The following PACS1 variants were observed in gnomAD, a reference collection of about 807,000 sequenced individuals.
The protein encoded by PACS1 is PACS-1.
In PACS1, 24 loss-of-function variants were observed where a neutral mutation model predicts 115.0. The observed-to-expected ratio is 0.21, with a 90% confidence interval of 0.15 to 0.29. The LOEUF is 0.29. PACS1 is among the 10% of genes least tolerant of loss of function. The pLI, the probability that PACS1 is intolerant of heterozygous loss-of-function variation, is 1.00. For synonymous variants in PACS1, 453 were observed against 504.5 expected, an observed-to-expected ratio of 0.90 and a Z score of 1.37; for missense variants, 838 against 1,251.2, an observed-to-expected ratio of 0.67 and a Z score of 4.98.
chr11:66,235,412 G>A lies in PACS1; in HGVS notation c.2207+9G>A. On this transcript the variant is annotated intron_variant, in intron 18 of 23. Transcript: ENST00000320580. This position sits in a 1 kb window ranked among gnomAD's most constrained non-coding sequence, Gnocchi z 5.6. Reference sequence around the variant, plus strand: ...ACTTGCCGGCATAAGTTGTAAGTTTGACTTTGAGGGGTTTCTTAAAAATAG... The same window carrying A: ...ACTTGCCGGCATAAGTTGTAAGTTTAACTTTGAGGGGTTTCTTAAAAATAG... The A allele has an allele frequency of 1.3e-6, 2 of 1,596,224 alleles. No homozygotes were observed. Among genetic ancestry groups the A allele is most frequent in the Admixed American group, 3.3e-5 (2 of 59,884 alleles).
At chr11:66,227,635 CT>C in intron 11 of PACS1, 51 bp downstream of exon 11, 1 of 1,228,156 alleles carries the variant, frequency 8.1e-7, no homozygotes, top group Non-Finnish European at 1.2e-6. Context: ...GTGTTTGTCC[CT>C]TTAGAAATAA....
At chr11:66,185,486 G>A (rs1453959661) in intron 1 of PACS1, among the ~76,000 whole-genome samples, 2 of 152,146 alleles carry the variant, frequency 1.3e-5, no homozygotes, top group African/African-American at 4.8e-5. Flanking sequence ...AACCCCAGCT[G>A]TCCATTGTGT....
intron 1 of PACS1, among the ~76,000 whole-genome samples, chr11:66,140,536 A>G (rs1374166496): frequency 2.6e-5 from 4 of 152,148 alleles, no homozygotes; most frequent in East Asian, 1.9e-4. Flanking sequence ...TGGGTAGAAC[A>G]CTTTGTTTCG....
intron 1 of PACS1, among the ~76,000 whole-genome samples, chr11:66,090,029 A>T (rs1857632790): frequency 6.9e-6 from 1 of 144,244 alleles, no homozygotes; most frequent in Non-Finnish European, 1.5e-5. Flanking sequence ...AAAAAAAGAA[A>T]TGCCATTGGT....
rs577331879 is a variant in PACS1 at position 66,243,563 on chromosome 11, G to A, written c.*283G>A. The A allele has an allele frequency of 9.6e-6, 4 of 417,952 alleles. No homozygotes were observed. The East Asian group carries it at 1.6e-4, about 17-fold the overall frequency. The allele number at this position is 417,952 out of a possible 1,614,324, so 25.9% of individuals were successfully genotyped here. A position where few individuals can be genotyped will look rare whatever the true frequency, so the allele number is the denominator to read the frequency against. On this transcript the variant is annotated 3_prime_UTR_variant, in exon 24 of 24. Transcript: ENST00000320580. ...GCCTTCTGGTGCCCATAGTCCCCTG[G>A]ACTGAGTCCCCCAGGCCTTCCTTCA...
chr11:66,190,035 A>G (rs1011490861), intron 1 of PACS1, among the ~76,000 whole-genome samples: 1 of 151,974 alleles, frequency 6.6e-6, no homozygotes, highest in Non-Finnish European at 1.5e-5. Context: ...CACCACTCTC[A>G]CTCACCTATC....
At chr11:66,234,070 A>T in intron 16 of PACS1, 62 bp from the exon 17 acceptor site, 1 of 1,522,196 alleles carries the variant, frequency 6.6e-7, no homozygotes, top group Non-Finnish European at 9.1e-7. Flanking sequence ...GGCCAGGGAC[A>T]GCTGCTCCCA....
At chr11:66,216,059 G>T (rs896127325) in intron 4 of PACS1, 60 bp from the exon 5 acceptor site, 3 of 1,574,124 alleles carry the variant, frequency 1.9e-6, no homozygotes, top group Non-Finnish European at 1.7e-6. Flanking sequence ...GCATTCCTTG[G>T]CTGTGTTTCT....
At chr11:66,138,928 G>A (rs186394471) in intron 1 of PACS1, among the ~76,000 whole-genome samples, 5 of 149,254 alleles carry the variant, frequency 3.3e-5, no homozygotes, top group East Asian at 3.9e-4. Flanking sequence ...TGATCCGCCC[G>A]CCTCAGCCTC....
At chr11:66,168,787 T>C (rs1423388355) in intron 1 of PACS1, among the ~76,000 whole-genome samples, 2 of 149,762 alleles carry the variant, frequency 1.3e-5, no homozygotes, top group Non-Finnish European at 2.9e-5. Context: ...TGTATACATT[T>C]ACACACATTT....
intron 1 of PACS1, among the ~76,000 whole-genome samples, chr11:66,166,653 C>CTTA (rs1859610620): frequency 1.3e-5 from 2 of 150,654 alleles, no homozygotes; most frequent in South Asian, 4.1e-4. Flanking sequence ...TCTTCTGCAG[C>CTTA]TTAAGCTTAG....
At chr11:66,204,301 C>T (rs1286637453) in intron 2 of PACS1, among the ~76,000 whole-genome samples, 1 of 152,180 alleles carries the variant, frequency 6.6e-6, no homozygotes, top group Admixed American at 6.5e-5. Flanking sequence ...TATGTAACAT[C>T]ATTAATTGTC....
intron 2 of PACS1, among the ~76,000 whole-genome samples, chr11:66,199,471 G>A (rs190618134): frequency 3.2e-4 from 48 of 151,946 alleles, no homozygotes; most frequent in African/African-American, 1.1e-3. Context: ...AAGCCTCATG[G>A]TAACTGCAAA....
intron 1 of PACS1, among the ~76,000 whole-genome samples, chr11:66,090,204 G>GC (rs1857635939): frequency 6.6e-6 from 1 of 150,460 alleles, no homozygotes; most frequent in Non-Finnish European, 1.5e-5. Flanking sequence ...ACTTGGCTTG[G>GC]CTTGGCTTGG....
intron 21 of PACS1, among the ~76,000 whole-genome samples, chr11:66,239,793 A>G (rs1855775551): frequency 6.6e-6 from 1 of 152,242 alleles, no homozygotes; most frequent in Admixed American, 6.5e-5. Context: ...CTTAGCTTAG[A>G]CAAGTTACTG....
At chr11:66,189,557 C>T (rs561024249) in intron 1 of PACS1, among the ~76,000 whole-genome samples, 8 of 152,188 alleles carry the variant, frequency 5.3e-5, no homozygotes, top group Non-Finnish European at 8.8e-5. Flanking sequence ...TTTCCCGCTG[C>T]GCTGTGTAGC....
intron 1 of PACS1, among the ~76,000 whole-genome samples, chr11:66,176,719 A>T (rs1474930473): frequency 6.6e-6 from 1 of 151,902 alleles, no homozygotes; most frequent in African/African-American, 2.4e-5. Flanking sequence ...CGGTCCATAT[A>T]CACTCTTAAT....
chr11:66,096,989 C>T (rs1857801481), intron 1 of PACS1, among the ~76,000 whole-genome samples: 1 of 152,002 alleles, frequency 6.6e-6, no homozygotes, highest in South Asian at 2.1e-4. Context: ...CATGAGCCAC[C>T]ACGCCCAGCC....
chr11:66,130,321 C>T (rs538958386), intron 1 of PACS1, among the ~76,000 whole-genome samples: 25 of 152,046 alleles, frequency 1.6e-4, no homozygotes, highest in Non-Finnish European at 3.4e-4. Context: ...AAATGTCAAA[C>T]AGTTTGGAAA....
Sources: allele counts gnomAD v4.1 joint callset (sites outside exome capture counted in the v4.1 genomes callset), GRCh38; gene constraint gnomAD v4.1.1; non-coding constraint Gnocchi (gnomAD v3.1); transcripts MANE v1.5; gene names NCBI Gene and HGNC (gene_info 2026-07-23, HGNC 2026-07-21).